The following NHEJ1 variants were observed in gnomAD, a reference collection of about 807,000 sequenced individuals.
NHEJ1 encodes the protein non-homologous end joining factor 1.
In NHEJ1, 22 loss-of-function variants were observed where a neutral mutation model predicts 39.4. The observed-to-expected ratio is 0.56, with a 90% CI of 0.40 to 0.80. The LOEUF (loss-of-function observed/expected upper bound fraction) is 0.80. Among genes scored for constraint, NHEJ1 ranks in the 30% least tolerant of loss-of-function variants. The pLI, the probability that NHEJ1 is intolerant of heterozygous loss-of-function variation, is 0.00. For missense variants in NHEJ1, 329 were observed against 357.1 expected (o/e 0.92, Z 0.63); for synonymous variants, 154 against 135.6 (o/e 1.14, Z -0.94).
intron 5 of NHEJ1, chr2:219,095,273 C>T (rs1949196469): frequency 4.3e-6 from 2 of 469,850 alleles, no homozygotes; most frequent in African/African-American, 4.0e-5. Flanking sequence ...CAAAAGCTTA[C>T]CATGATAAAA....
chr2:219,148,566 C>T (rs887386165), intron 3 of NHEJ1, among the ~76,000 whole-genome samples: 1 of 152,012 alleles, frequency 6.6e-6, no homozygotes, highest in East Asian at 1.9e-4. Flanking sequence ...CTCAAAACAA[C>T]AAGAAGAAAA....
At position 219,159,513 on chromosome 2, in the gene NHEJ1, T is replaced by TTATATATATATGCA. The variant is rs1553549752; in HGVS notation, c.1-1165_1-1152dup. ...TGCCCTTGTGACTTGTGACATAACT[T>TTATATATATATGCA]TATATATATATGCATATATATATGC... On this transcript the variant is annotated intron_variant, in intron 1 of 7. Transcript: ENST00000356853. Among the ~76,000 whole-genome samples the TTATATATATATGCA allele has an allele frequency of 1.3e-3, 121 of 90,018 alleles. 13 individuals carry two copies. The highest frequency in any genetic ancestry group is 9.8e-3 in the South Asian group (26 of 2,648). The allele number at this position is 90,018 out of a possible 152,430, so 59.1% of individuals were successfully genotyped here. A position where few individuals can be genotyped will look rare whatever the true frequency, so the allele number is the denominator to read the frequency against.
intron 5 of NHEJ1, among the ~76,000 whole-genome samples, chr2:219,078,545 G>A (rs973699721): frequency 4.6e-5 from 7 of 152,160 alleles, no homozygotes; most frequent in Admixed American, 4.6e-4. Flanking sequence ...TTTTCCCTGA[G>A]CTGAACAAAT....
chr2:219,153,716 GA>G, intron 3 of NHEJ1, among the ~76,000 whole-genome samples: 1 of 147,284 alleles, frequency 6.8e-6, no homozygotes, highest in Non-Finnish European at 1.5e-5. Flanking sequence ...GAGAGAGAGA[GA>G]GAGAGCAAGC....
intron 5 of NHEJ1, among the ~76,000 whole-genome samples, chr2:219,101,882 C>T (rs1331076779): frequency 6.6e-6 from 1 of 152,086 alleles, no homozygotes. Flanking sequence ...TGTGCCACCA[C>T]GTCCAGCTAA....
intron 3 of NHEJ1, among the ~76,000 whole-genome samples, chr2:219,155,932 C>CA (rs959572719): frequency 1.5e-4 from 19 of 127,138 alleles, no homozygotes; most frequent in African/African-American, 1.8e-4. Context: ...CAAAAAAAAA[C>CA]AAAAAAAAAT....
intron 5 of NHEJ1, among the ~76,000 whole-genome samples, chr2:219,101,630 T>G (rs1949261428): frequency 1.3e-5 from 2 of 149,816 alleles, no homozygotes; most frequent in Admixed American, 1.3e-4. Flanking sequence ...AGGCTGGTCT[T>G]GAACTCCGGG....
intron 5 of NHEJ1, among the ~76,000 whole-genome samples, chr2:219,097,748 G>T (rs1277786101): frequency 6.6e-6 from 1 of 152,146 alleles, no homozygotes; most frequent in Non-Finnish European, 1.5e-5. Context: ...TAGACTTCCA[G>T]GTGGAAATGT....
At chr2:219,148,609 AG>A (rs1284116165) in intron 3 of NHEJ1, among the ~76,000 whole-genome samples, 2 of 152,158 alleles carry the variant, frequency 1.3e-5, no homozygotes, top group African/African-American at 4.8e-5. Context: ...TGAAGATCCA[AG>A]TAGCCCTCAA....
At chr2:219,128,164 C>G (rs1949542227) in intron 5 of NHEJ1, among the ~76,000 whole-genome samples, 1 of 152,230 alleles carries the variant, frequency 6.6e-6, no homozygotes, top group South Asian at 2.1e-4. Flanking sequence ...CTCTTTGTAA[C>G]TAGCCCATGA....
chr2:219,147,705 C>G lies in NHEJ1; in HGVS notation c.481G>C (p.Asp161His). The change falls in exon 4 of 8, where the codon GAC becomes CAC. Residue 161 changes from aspartate to histidine, a missense_variant. Asp to His is a moderately conservative substitution (Grantham distance 81, BLOSUM62 -1). Coordinates refer to ENST00000356853, the MANE Select transcript of NHEJ1 (RefSeq NM_024782.3). ...RELATLLHMKDLEIQDYQESG... is the reference protein window; with the variant it reads ...RELATLLHMKHLEIQDYQESG... Reference sequence around the variant, plus strand: ...TCCTGGTAGTCTTGGATCTCTAGGTCTTTCATATGAAGTAACGTTGCTAGC... The same window carrying G: ...TCCTGGTAGTCTTGGATCTCTAGGTGTTTCATATGAAGTAACGTTGCTAGC... 2.5e-6 allele frequency: 4 copies of G among 1,614,196 alleles called. No homozygotes were observed. The highest frequency in any genetic ancestry group is 3.4e-6 in the Non-Finnish European group (4 of 1,180,030).
chr2:219,078,408 G>A (rs1030926369), intron 5 of NHEJ1, among the ~76,000 whole-genome samples: 1 of 152,186 alleles, frequency 6.6e-6, no homozygotes, highest in Non-Finnish European at 1.5e-5. Flanking sequence ...AACTCCAAAT[G>A]TATATCTTAT....
chr2:219,123,250 G>C (rs1331960811), intron 5 of NHEJ1, among the ~76,000 whole-genome samples: 1 of 152,172 alleles, frequency 6.6e-6, no homozygotes, highest in African/African-American at 2.4e-5. Context: ...ATATTTTGTA[G>C]ATCACACATT....
chr2:219,105,309 T>C (rs1183566330), intron 5 of NHEJ1, among the ~76,000 whole-genome samples: 1 of 152,176 alleles, frequency 6.6e-6, no homozygotes. Flanking sequence ...AAGAAATATC[T>C]AGAAAGATGT....
Position 219,081,419 on chromosome 2 carries a change from AT to A in NHEJ1, c.589-3214del, listed in dbSNP as rs528967045. ...CCAGGAGCACGATGTACCGGCCACA[AT>A]GCGGGTCACTGCCCAAAGTGGGGAG... On this transcript the variant is annotated intron_variant, in intron 5 of 7. Coordinates refer to ENST00000356853, the MANE Select transcript of NHEJ1 (RefSeq NM_024782.3). 1.1e-4 allele frequency among the ~76,000 whole-genome samples: 16 copies of A among 152,318 alleles called. No individual in the cohort carries two copies. In the South Asian group the frequency reaches 2.7e-3, roughly 26 times the overall value.
chr2:219,106,276 G>C (rs1472290920), intron 5 of NHEJ1, among the ~76,000 whole-genome samples: 1 of 152,164 alleles, frequency 6.6e-6, no homozygotes, highest in Non-Finnish European at 1.5e-5. Context: ...GTTTGAAGAA[G>C]TTCCAGGGAG....
chr2:219,114,846 CA>C (rs1363019758), intron 5 of NHEJ1, among the ~76,000 whole-genome samples: 1 of 152,120 alleles, frequency 6.6e-6, no homozygotes, highest in Non-Finnish European at 1.5e-5. Flanking sequence ...CCTAGAGAGG[CA>C]AATAAGGAAA....
intron 5 of NHEJ1, among the ~76,000 whole-genome samples, chr2:219,084,964 C>T (rs895119536): frequency 1.3e-5 from 2 of 152,216 alleles, no homozygotes; most frequent in African/African-American, 4.8e-5. Flanking sequence ...CCCAACTGAT[C>T]CTGCAATGCT....
intron 5 of NHEJ1, among the ~76,000 whole-genome samples, chr2:219,097,166 T>C (rs1949216332): frequency 6.6e-6 from 1 of 152,230 alleles, no homozygotes; most frequent in South Asian, 2.1e-4. Flanking sequence ...AGCTATAATG[T>C]TCTATAGGTT....
Sources: allele counts gnomAD v4.1 joint callset (sites outside exome capture counted in the v4.1 genomes callset), GRCh38; gene constraint gnomAD v4.1.1; transcripts MANE v1.5; gene names NCBI Gene and HGNC (gene_info 2026-07-23, HGNC 2026-07-21).